PSG5: variants seen among roughly 807,000 people sequenced by gnomAD.
PSG5 encodes pregnancy-specific beta-1-glycoprotein 5.
In PSG5, 53 loss-of-function variants were observed where a neutral mutation model predicts 37.7. That is an observed-to-expected ratio of 1.41 (90% CI 1.13 to 1.77). The LOEUF (loss-of-function observed/expected upper bound fraction) is 1.77. PSG5 is among the 40% of genes most tolerant of loss of function. The pLI, the probability that PSG5 is intolerant of heterozygous loss-of-function variation, is 0.00. For synonymous variants in PSG5, 221 were observed against 155.4 expected (o/e 1.42, Z -3.14); for missense variants, 547 against 405.2 (o/e 1.35, Z -3.00).
Position 43,184,866 on chromosome 19 carries a change from C to G in PSG5, c.346G>C (p.Asp116His). The change falls in exon 2 of 6, where the codon GAC (aspartate) becomes CAC (histidine). Residue 116 changes from aspartate to histidine, a missense_variant. Transcript: ENST00000342951. ...ATGTGTAAGGTGTAGGATCCTGCGT[C>G]TTCCCGGGTGACATTCTGGATCAGC... ...SLLIQNVTREDAGSYTLHIIK... is the reference protein window; with the variant it reads ...SLLIQNVTREHAGSYTLHIIK... 1 of 1,612,578 alleles carries G rather than the reference C, an allele frequency of 6.2e-7. No individual in the cohort carries two copies. Among genetic ancestry groups the G allele is most frequent in the Non-Finnish European group, 8.5e-7 (1 of 1,179,172 alleles).
rs1968865884 is a variant in PSG5, at chr19:43,169,837, G to A, written c.*40+218C>T. Among the ~76,000 whole-genome samples the A allele has an allele frequency of 1.3e-5, 2 of 151,612 alleles. 1 individual carries two copies. The highest frequency in any genetic ancestry group is 4.9e-5 in the African/African-American group (2 of 41,108). ...TCTCATTTGAATCTGAGAAACAAAT[G>A]AGCAGAGGCTGGAGATAATTATGTC... On this transcript the variant is annotated intron_variant, in intron 5 of 5. Transcript: ENST00000342951.
intron 5 of PSG5, among the ~76,000 whole-genome samples, chr19:43,168,650 G>A (rs892094247): frequency 6.6e-6 from 1 of 151,734 alleles, no homozygotes; most frequent in African/African-American, 2.4e-5. Context: ...GGGATTGCAG[G>A]CGTGAGCCAT....
intron 2 of PSG5, among the ~76,000 whole-genome samples, chr19:43,182,929 C>T (rs1446231080): frequency 1.3e-5 from 2 of 149,060 alleles, no homozygotes; most frequent in Non-Finnish European, 3.0e-5. Context: ...GTGATTTCTG[C>T]ACCTTTCCTA....
At chr19:43,184,533 C>G (rs1023333049) in intron 2 of PSG5, among the ~76,000 whole-genome samples, 13 of 151,532 alleles carry the variant, frequency 8.6e-5, no homozygotes, top group African/African-American at 3.2e-4. Context: ...TGATCTCCTC[C>G]TGCTGAGTCC....
In PSG5 at chr19:43,170,139, C is replaced by T; in HGVS notation, c.965-1G>A. 2.5e-6 allele frequency: 4 copies of T among 1,583,570 alleles called. No homozygotes were observed. The highest frequency in any genetic ancestry group is 3.5e-6 in the Non-Finnish European group (4 of 1,157,672). On this transcript the variant is annotated splice_acceptor_variant, in intron 4 of 5. Transcript: ENST00000342951. LOFTEE classifies it high-confidence loss of function. ...GGAAGACGTCCTATTCCTGAAGGAGCTGTCATGGAAAGAAAAGTAAAGAAG... is the reference window on the plus strand; with the variant it reads ...GGAAGACGTCCTATTCCTGAAGGAGTTGTCATGGAAAGAAAAGTAAAGAAG...
At chr19:43,172,804 G>A (rs556234001) in intron 4 of PSG5, among the ~76,000 whole-genome samples, 2 of 151,708 alleles carry the variant, frequency 1.3e-5, no homozygotes, top group Admixed American at 6.6e-5. Flanking sequence ...GGACAGTGCT[G>A]CCCAAAGTGA....
At chr19:43,178,878 C>T (rs772118097) in intron 2 of PSG5, 11 of 1,612,704 alleles carry the variant, frequency 6.8e-6, no homozygotes, top group South Asian at 2.2e-5. Flanking sequence ...AGGATACTCA[C>T]GGAGGAGATT....
chr19:43,182,713 T>C (rs1205215573), intron 2 of PSG5, among the ~76,000 whole-genome samples: 1 of 117,302 alleles, frequency 8.5e-6, no homozygotes, highest in African/African-American at 3.3e-5. Flanking sequence ...TAATTTTTTT[T>C]TTTTTTTTTT....
chr19:43,185,299 TTGTGTG>T, intron 1 of PSG5, 152 bp from the exon 2 acceptor site: 1 of 1,196,832 alleles, frequency 8.4e-7, no homozygotes, highest in Non-Finnish European at 1.2e-6. Flanking sequence ...GCATGTTAGT[TTGTGTG>T]TGTGTATGTG....
At chr19:43,175,592 C>T (rs969987755) in intron 3 of PSG5, 123 bp from the exon 4 acceptor site, 3 of 1,455,378 alleles carry the variant, frequency 2.1e-6, no homozygotes, top group Non-Finnish European at 2.8e-6. Context: ...GCCGAACCCC[C>T]ACTATATTCA....
chr19:43,177,772 T>C (rs938967538), intron 2 of PSG5, among the ~76,000 whole-genome samples: 3 of 151,628 alleles, frequency 2.0e-5, no homozygotes, highest in Admixed American at 2.0e-4. Context: ...ACTGGGATTC[T>C]GGTAGGAGTT....
rs370033809 is a variant in PSG5, at chr19:43,186,388, G to A, written c.18C>T (p.Ala6=). ...AGGTGATGTGCTGTGTGCAGGGAGG[G>A]GCTGAGAGGGGCCCCATGGTCTCTG... The part of the protein sequence containing the change: MGPLS[A]PPCTQHITWK... Residue 6 remains alanine (A), a synonymous_variant, in exon 1 of 6, where the codon GCC becomes GCT. Coordinates refer to ENST00000342951, the MANE Select transcript of PSG5 (RefSeq NM_002781.4). 36 of 1,612,062 alleles carry A rather than the reference G, an allele frequency of 2.2e-5. No individual in the cohort carries two copies. The highest frequency in any genetic ancestry group is 5.5e-5 in the South Asian group (5 of 91,032).
At chr19:43,183,497 C>A (rs1360206694) in intron 2 of PSG5, 1 of 528,322 alleles carries the variant, frequency 1.9e-6, no homozygotes, top group Non-Finnish European at 3.9e-6. Context: ...AAACAAAGTC[C>A]TCTCCTTGAT....
intron 2 of PSG5, chr19:43,180,554 T>A (rs1308921991): frequency 6.6e-6 from 1 of 151,506 alleles, no homozygotes; most frequent in Non-Finnish European, 1.5e-5. Flanking sequence ...AATTTTCCCA[T>A]AAAAAGTTGT....
At chr19:43,171,757 C>A (rs1460894015) in intron 4 of PSG5, among the ~76,000 whole-genome samples, 1 of 151,310 alleles carries the variant, frequency 6.6e-6, no homozygotes, top group African/African-American at 2.4e-5. Flanking sequence ...TTTCTTGAGA[C>A]CAGGTGTTTG....
intron 2 of PSG5, among the ~76,000 whole-genome samples, chr19:43,182,560 C>A (rs573568270): frequency 1.3e-5 from 2 of 151,278 alleles, no homozygotes; most frequent in African/African-American, 4.9e-5. Context: ...ATTTTTTAGT[C>A]CTGTGCCCCT....
chr19:43,181,011 C>G (rs17173164), intron 2 of PSG5, among the ~76,000 whole-genome samples: 3 of 151,564 alleles, frequency 2.0e-5, no homozygotes, highest in South Asian at 2.1e-4. Flanking sequence ...CTTAAGCTCA[C>G]GAAACACCAC....
rs897182970 is a variant in PSG5, at chr19:43,185,473, G to T, written c.65-326C>A. On this transcript the variant is annotated intron_variant, in intron 1 of 5. Transcript: ENST00000342951. ...GCCCTCAGGTCCTGCTCACATCAGG[G>T]CATCCTTAGACTTCTTTCCTGACAC... Among the ~76,000 whole-genome samples the T allele has an allele frequency of 1.2e-4, 18 of 147,572 alleles. 1 individual carries two copies. Among genetic ancestry groups the T allele is most frequent in the Admixed American group, 1.1e-3 (16 of 14,770 alleles).
intron 2 of PSG5, among the ~76,000 whole-genome samples, chr19:43,176,714 A>T (rs1251651876): frequency 6.6e-6 from 1 of 150,662 alleles, no homozygotes; most frequent in Admixed American, 6.6e-5. Context: ...CAGTTCAGTC[A>T]TCAGCCAGTG....
Sources: allele counts gnomAD v4.1 joint callset (sites outside exome capture counted in the v4.1 genomes callset), GRCh38; gene constraint gnomAD v4.1.1; transcripts MANE v1.5; gene names NCBI Gene and HGNC (gene_info 2026-07-23, HGNC 2026-07-21).